The following LEPROTL1 variants were observed in gnomAD, a reference collection of about 807,000 sequenced individuals.
LEPROTL1 encodes the protein leptin receptor overlapping transcript like 1, also known as leptin receptor overlapping transcript-like 1.
A neutral mutation model predicts 15.4 loss-of-function variants in LEPROTL1; 6 were observed. The ratio of observed to expected loss-of-function variants is 0.39; its 90% CI spans 0.21 to 0.77. The LOEUF (loss-of-function observed/expected upper bound fraction) is 0.77. Among genes scored for constraint, LEPROTL1 ranks in the 30% least tolerant of loss-of-function variants. LEPROTL1 has a pLI of 0.41. For synonymous variants in LEPROTL1, 56 were observed against 52.6 expected, an observed-to-expected ratio of 1.06 and a Z score of -0.28; for missense variants, 128 against 158.1, an observed-to-expected ratio of 0.81 and a Z score of 1.02.
chr8:30,097,682 AAAATAT>A (rs1802391020), intron 1 of LEPROTL1, among the ~76,000 whole-genome samples: 1 of 128,022 alleles, frequency 7.8e-6, no homozygotes, highest in South Asian at 2.6e-4. Flanking sequence ...AAAAAAAAAA[AAAATAT>A]ATATATATAT....
downstream of LEPROTL1, among the ~76,000 whole-genome samples, chr8:30,112,401 ATTTTTTTTTTTTTTT>A (rs10684450): frequency 7.9e-4 from 22 of 27,864 alleles, 1 homozygote; most frequent in South Asian, 3.1e-3. Context: ...TGCCCAGCTA[ATTTTTTTTTTTTTTT>A]TTTTTTTTTT....
At chr8:30,130,789 T>TC (rs1480354234) in intron 3 of LEPROTL1, among the ~76,000 whole-genome samples, 1 of 150,668 alleles carries the variant, frequency 6.6e-6, no homozygotes. Context: ...AAATTTTTTT[T>TC]TTTTTTTTGA....
chr8:30,112,630 C>G (rs1247265534), downstream of LEPROTL1, among the ~76,000 whole-genome samples: 1 of 151,504 alleles, frequency 6.6e-6, no homozygotes, highest in Non-Finnish European at 1.5e-5. Flanking sequence ...GGCTACATAC[C>G]AGGTTCTGGA....
chr8:30,109,917 C>CAGAT (rs1802630052), downstream of LEPROTL1, among the ~76,000 whole-genome samples: 2 of 151,316 alleles, frequency 1.3e-5, no homozygotes, highest in Admixed American at 6.6e-5. Context: ...AAAGGAGCAC[C>CAGAT]AGATAAGGGA....
intron 3 of LEPROTL1, among the ~76,000 whole-genome samples, chr8:30,127,559 C>T (rs1802922846): frequency 1.3e-5 from 2 of 151,724 alleles, no homozygotes; most frequent in South Asian, 4.1e-4. Flanking sequence ...CTATTCTATA[C>T]TTGGGAGGCA....
Position 30,095,449 on chromosome 8 carries a change from T to G in LEPROTL1, c.-64T>G, listed in dbSNP as rs1802342655. 1 of 1,452,102 alleles carries G rather than the reference T, an allele frequency of 6.9e-7. No homozygotes were observed. The highest frequency in any genetic ancestry group is 9.1e-7 in the Non-Finnish European group (1 of 1,103,280). 90.0% of individuals were successfully genotyped at this position (1,452,102 alleles called of 1,614,324 possible). A position where few individuals can be genotyped will look rare whatever the true frequency, so the allele number is the denominator to read the frequency against. On this transcript the variant is annotated 5_prime_UTR_variant, in exon 1 of 4. Transcript: ENST00000321250. ...TCTGGCCGCCGTAGCGCGTCTTGGGTCTCCCGGCTGCCGCTGCTGCCGCCG... is the reference window on the plus strand; with the variant it reads ...TCTGGCCGCCGTAGCGCGTCTTGGGGCTCCCGGCTGCCGCTGCTGCCGCCG...
At chr8:30,128,346 A>G (rs966365120) in intron 3 of LEPROTL1, among the ~76,000 whole-genome samples, 12 of 152,296 alleles carry the variant, frequency 7.9e-5, no homozygotes, top group African/African-American at 2.9e-4. Flanking sequence ...ATCAGTGGGG[A>G]GATAGATTTG....
At chr8:30,137,852 T>C (rs7843645), downstream of LEPROTL1, 233,538 of 267,400 alleles carry the variant, frequency 0.87, 103,152 homozygotes, top group South Asian at 0.95. Flanking sequence ...TTAGGAGTCA[T>C]GCAGCTGGAG....
rs1802813220 is a variant in LEPROTL1, at chr8:30,120,463, G to GTA, written c.280-11912_280-11911insTA. Reference sequence around the variant, plus strand: ...TAATAAGTTGTATGTATTTGTATATGCATATATATATATGTATATATTTTT... The same window carrying GTA: ...TAATAAGTTGTATGTATTTGTATATGTACATATATATATATGTATATATTTTT... On this transcript the variant is annotated intron_variant, in intron 3 of 4. Coordinates refer to the LEPROTL1 transcript ENST00000442880. Among the ~76,000 whole-genome samples the GTA allele has an allele frequency of 1.5e-4, 5 of 33,484 alleles. No individual in the cohort carries two copies. The Admixed American group carries it at 2.3e-3, about 15-fold the overall frequency. The allele number at this position is 33,484 out of a possible 152,430, so 22.0% of individuals were successfully genotyped here.
intron 3 of LEPROTL1, among the ~76,000 whole-genome samples, chr8:30,118,959 A>G (rs1450599719): frequency 1.3e-5 from 2 of 152,246 alleles, no homozygotes; most frequent in East Asian, 1.9e-4. Context: ...CCTCCTCAGC[A>G]CAGACCATTC....
In LEPROTL1 at chr8:30,107,768, G is replaced by T; in HGVS notation, c.*1906G>T. 1.0e-6 allele frequency: 1 copy of T among 985,250 alleles called. No homozygotes were observed. The highest frequency in any genetic ancestry group is 1.2e-6 in the Non-Finnish European group (1 of 829,890). 61.0% of individuals were successfully genotyped at this position (985,250 alleles called of 1,614,324 possible). On this transcript the variant is annotated 3_prime_UTR_variant, in exon 4 of 4. Transcript: ENST00000321250. ...TCTACTGGACTTTTTTTTGCAGGAA[G>T]TGCATTCTCTGGTCCTTCCCTATTT...
At chr8:30,132,281 C>T in intron 3 of LEPROTL1, 2 of 1,551,776 alleles carry the variant, frequency 1.3e-6, no homozygotes, top group South Asian at 1.2e-5. Flanking sequence ...AACGGCCAAG[C>T]CCTGCTGTGC....
chr8:30,117,360 G>A, intron 3 of LEPROTL1: 1 of 1,041,394 alleles, frequency 9.6e-7, no homozygotes, highest in Non-Finnish European at 1.5e-6. Flanking sequence ...CATTTTGTTT[G>A]TAAATATATG....
intron 3 of LEPROTL1, among the ~76,000 whole-genome samples, chr8:30,127,641 C>T (rs1802924407): frequency 6.7e-6 from 1 of 148,712 alleles, no homozygotes; most frequent in Non-Finnish European, 1.5e-5. Flanking sequence ...TGCATGCCAG[C>T]CTAGGTGACA....
Position 30,106,864 on chromosome 8 carries a change from A to T in LEPROTL1, c.*1002A>T, listed in dbSNP as rs376676115. 1.1e-5 allele frequency: 11 copies of T among 983,672 alleles called. No homozygotes were observed. In the East Asian group the frequency reaches 3.4e-4, roughly 30 times the overall value. 60.9% of individuals were successfully genotyped at this position (983,672 alleles called of 1,614,324 possible). A position where few individuals can be genotyped will look rare whatever the true frequency, so the allele number is the denominator to read the frequency against. ...ATTTGGTATGTTGTATATATTACAT[A>T]AAATAACTTTTCAAATATAGTTTAA... On this transcript the variant is annotated 3_prime_UTR_variant, in exon 4 of 4. Transcript: ENST00000321250.
Position 30,095,461 on chromosome 8 carries a change from C to A in LEPROTL1, c.-52C>A, listed in dbSNP as rs1802343287. 2.1e-6 allele frequency: 3 copies of A among 1,463,124 alleles called. No individual in the cohort carries two copies. The highest frequency in any genetic ancestry group is 2.9e-5 in the African/African-American group (2 of 68,024). The allele number at this position is 1,463,124 out of a possible 1,614,324, so 90.6% of individuals were successfully genotyped here. A position where few individuals can be genotyped will look rare whatever the true frequency, so the allele number is the denominator to read the frequency against. ...AGCGCGTCTTGGGTCTCCCGGCTGC[C>A]GCTGCTGCCGCCGCCGCCTCGGGTC... is the stretch of plus-strand genomic sequence containing the variant. On this transcript the variant is annotated 5_prime_UTR_variant, in exon 1 of 4. Transcript: ENST00000321250.
chr8:30,136,609 C>T (rs377289469), intron 4 of LEPROTL1, among the ~76,000 whole-genome samples: 10 of 152,182 alleles, frequency 6.6e-5, no homozygotes, highest in African/African-American at 2.4e-4. Context: ...CAGCTCCCTA[C>T]TGAAATCCTG....
Position 30,106,711 on chromosome 8 carries a change from TCTC to T in LEPROTL1, c.*852_*854del, listed in dbSNP as rs1368514302. 27 of 984,992 alleles carry T rather than the reference TCTC, an allele frequency of 2.7e-5. No individual in the cohort carries two copies. The highest frequency in any genetic ancestry group is 3.5e-5 in the African/African-American group (2 of 57,212). 61.0% of individuals were successfully genotyped at this position (984,992 alleles called of 1,614,324 possible). ...TTCTATTTATAAGTGAAATTTGTGATCTCCTATCAACCTTTCATGTTTTACCCT... is the reference window on the plus strand; with the variant it reads ...TTCTATTTATAAGTGAAATTTGTGATCTATCAACCTTTCATGTTTTACCCT... On this transcript the variant is annotated 3_prime_UTR_variant, in exon 4 of 4. Coordinates refer to ENST00000321250, the MANE Select transcript of LEPROTL1 (RefSeq NM_015344.3).
chr8:30,100,971 C>A (rs557045314), intron 1 of LEPROTL1, among the ~76,000 whole-genome samples: 6 of 152,198 alleles, frequency 3.9e-5, no homozygotes, highest in Non-Finnish European at 7.4e-5. Context: ...AGGATTATAA[C>A]CCATTGTCCT....
Sources: gnomAD v4.1 joint callset for allele counts (sites outside exome capture counted in the v4.1 genomes callset) on GRCh38, gnomAD v4.1.1 for gene constraint, MANE v1.5 for transcripts, NCBI Gene and HGNC (gene_info 2026-07-23, HGNC 2026-07-21) for gene names.